The following FOXD4 variants were observed in gnomAD, a reference collection of about 807,000 sequenced individuals.
FOXD4 encodes the protein forkhead box D4.
FOXD4 carries 22 observed loss-of-function variants against 26.5 expected under a neutral mutation model. The ratio of observed to expected loss-of-function variants is 0.83; its 90% CI spans 0.59 to 1.18. The LOEUF (loss-of-function observed/expected upper bound fraction) is 1.18, where lower values mean the gene tolerates loss of function less well. Ranked by LOEUF, FOXD4 falls within the 50% of genes most tolerant of loss-of-function variation. The pLI is 0.00. For missense variants in FOXD4, 625 were observed against 605.8 expected, an observed-to-expected ratio of 1.03 and a Z score of -0.33; for synonymous variants, 258 against 273.7, an observed-to-expected ratio of 0.94 and a Z score of 0.57.
rs1819397558 is a variant in FOXD4 at position 117,535 on chromosome 9, C to A, written c.585G>T (p.Arg195=). Residue 195 remains arginine, a synonymous_variant, in exon 1 of 1, where the codon CGG becomes CGT. Coordinates refer to ENST00000382500, the MANE Select transcript of FOXD4 (RefSeq NM_207305.5). ...QDMFDNGSFL[R]RRKRFQRHQP... ...GGTGGCGCTGGAAACGCTTCCTACGCCGGAGAAAGCTGCCATTGTCGAACA... is the reference window on the plus strand; with the variant it reads ...GGTGGCGCTGGAAACGCTTCCTACGACGGAGAAAGCTGCCATTGTCGAACA... 6.2e-7 allele frequency: 1 copy of A among 1,612,386 alleles called. No homozygotes were observed. Among genetic ancestry groups the A allele is most frequent in the African/African-American group, 1.3e-5 (1 of 74,852 alleles).
rs149996115 is a variant in FOXD4 at position 116,962 on chromosome 9, G to A, written c.1158C>T (p.Gly386=). ...GCAPTKGAVL[G]GHLSAASALL... ...GCGCCGACGCGGCCGACAGGTGCCCGCCCAGCACCGCGCCCTTGGTGGGAG... is the reference window on the plus strand; with the variant it reads ...GCGCCGACGCGGCCGACAGGTGCCCACCCAGCACCGCGCCCTTGGTGGGAG... The change falls in exon 1 of 1, where the codon GGC becomes GGT. Residue 386 remains glycine, a synonymous_variant. Coordinates refer to ENST00000382500, the MANE Select transcript of FOXD4 (RefSeq NM_207305.5). The A allele has an allele frequency of 1.2e-6, 2 of 1,611,862 alleles. No individual in the cohort carries two copies. The highest frequency in any genetic ancestry group is 1.7e-6 in the Non-Finnish European group (2 of 1,179,770).
At position 116,332 on chromosome 9, in the gene FOXD4, A is replaced by C. The variant is rs1054042449; in HGVS notation, c.*468T>G. ...TGGCACGTCAGACACACAGATAAGA[A>C]ATCAATGTTCTGAAATTAATATCCT... On this transcript the variant is annotated 3_prime_UTR_variant, in exon 1 of 1. Coordinates refer to ENST00000382500, the MANE Select transcript of FOXD4 (RefSeq NM_207305.5). 1.5e-5 allele frequency: 3 copies of C among 194,088 alleles called. No homozygotes were observed. In the Admixed American group the frequency reaches 1.6e-4, roughly 10 times the overall value. 12.0% of individuals were successfully genotyped at this position (194,088 alleles called of 1,614,324 possible). A position where few individuals can be genotyped will look rare whatever the true frequency, so the allele number is the denominator to read the frequency against.
At position 117,797 on chromosome 9, in the gene FOXD4, G is replaced by C. The variant is rs139747262; in HGVS notation, c.323C>G (p.Ser108Trp). 2 of 1,613,210 alleles carry C rather than the reference G, an allele frequency of 1.2e-6. No individual in the cohort carries two copies. Among genetic ancestry groups the C allele is most frequent in the Non-Finnish European group, 8.5e-7 (1 of 1,179,992 alleles). ...DARQPAKPPS[S>W]YIALITMAIL... ...GGCCATGGTGATGAGCGCGATGTAC[G>C]AGGAGGGGGGCTTTGCCGGCTGCCG... is the stretch of plus-strand genomic sequence containing the variant. Residue 108 changes from serine to tryptophan, a missense_variant, in exon 1 of 1, where the codon TCG becomes TGG. Physicochemically the swap from Ser to Trp is radical, Grantham distance 177. Around this residue, in one of 3 missense-constraint regions of FOXD4, gnomAD observed 399 missense variants for 329.4 expected, o/e 1.21. Coordinates refer to ENST00000382500, the MANE Select transcript of FOXD4 (RefSeq NM_207305.5).
rs1385231411 is a variant in FOXD4, at chr9:117,403, C to G, written c.717G>C (p.Pro239=). ...PGPLLGAPAP[P]QPVPGAYPNT... is the part of the protein sequence containing the mutation. ...TGGGGTAGGCCCCCGGGACTGGCTG[C>G]GGCGGGGCAGGGGCCCCAAGCAGAG... The change falls in exon 1 of 1, where the codon CCG becomes CCC. Residue 239 remains proline (P), a synonymous_variant. Coordinates refer to ENST00000382500, the MANE Select transcript of FOXD4 (RefSeq NM_207305.5). The G allele has an allele frequency of 1.9e-6, 3 of 1,590,736 alleles. No individual in the cohort carries two copies. Among genetic ancestry groups the G allele is most frequent in the Middle Eastern group, 2.3e-4 (1 of 4,410 alleles).
chr9:117,856 T>G lies in FOXD4; in HGVS notation c.264A>C (p.Ala88=), dbSNP rs577622905. Residue 88 remains alanine, a synonymous_variant, in exon 1 of 1, where the codon GCA becomes GCC. Transcript: ENST00000382500. ...CAGAGGCCGCCGCAGACCTTGGCGG[T>G]GCCCTGAACTCGGTGCCAAACTCTG... ...DPSEFGTEFR[A]PPRSAAASED... The G allele has an allele frequency of 6.6e-5, 106 of 1,611,890 alleles. No homozygotes were observed. The Middle Eastern group carries it at 1.7e-3, about 27-fold the overall frequency.
chr9:117,810 T>A, the FOXD4 span: 2 of 1,612,894 alleles, frequency 1.2e-6, no homozygotes, highest in Middle Eastern at 2.0e-4. Flanking sequence ...GAGGGGGGCT[T>A]TGCCGGCTGC....
Position 117,962 on chromosome 9 carries a change from G to T in FOXD4, c.158C>A (p.Pro53Gln). ...SQQFLEQSLQ[P>Q]GLQVARWGGV... ...GCCCCACCGGGCCACCTGCAGCCCCGGCTGGAGCGACTGCTCTAGGAACTG... is the reference window on the plus strand; with the variant it reads ...GCCCCACCGGGCCACCTGCAGCCCCTGCTGGAGCGACTGCTCTAGGAACTG... Residue 53 changes from proline to glutamine, a missense_variant, in exon 1 of 1, where the codon CCG (proline) becomes CAG (glutamine). Coordinates refer to ENST00000382500, the MANE Select transcript of FOXD4 (RefSeq NM_207305.5). The T allele has an allele frequency of 6.2e-7, 1 of 1,611,946 alleles. No individual in the cohort carries two copies. The highest frequency in any genetic ancestry group is 1.3e-5 in the African/African-American group (1 of 74,966).
At position 118,026 on chromosome 9, in the gene FOXD4, C is replaced by G. The variant is rs1819420850; in HGVS notation, c.94G>C (p.Glu32Gln). The G allele has an allele frequency of 3.7e-6, 6 of 1,612,028 alleles. No individual in the cohort carries two copies. The highest frequency in any genetic ancestry group is 5.1e-6 in the Non-Finnish European group (6 of 1,179,856). The change falls in exon 1 of 1, where the codon GAG (glutamate) becomes CAG (glutamine). Residue 32 changes from glutamate to glutamine, a missense_variant. Around this residue, in one of 3 missense-constraint regions of FOXD4, gnomAD observed 399 missense variants for 329.4 expected, o/e 1.21. Coordinates refer to ENST00000382500, the MANE Select transcript of FOXD4 (RefSeq NM_207305.5). Reference protein sequence around the residue: ...GEDGKIDVLGEEEDEDEEEAA... With the variant: ...GEDGKIDVLGQEEDEDEEEAA... ...TCCTCCTCGTCTTCATCTTCCTCCT[C>G]TCCCAGGACATCGATTTTACCGTCT...
At position 117,944 on chromosome 9, in the gene FOXD4, C is replaced by T. The variant is rs547293490; in HGVS notation, c.176G>A (p.Arg59Gln). ...QSLQPGLQVA[R>Q]WGGVALPREH... ...TCGGGGAAGCGCAACCCCGCCCCAC[C>T]GGGCCACCTGCAGCCCCGGCTGGAG... The change falls in exon 1 of 1, where the codon CGG (arginine) becomes CAG (glutamine). Residue 59 changes from arginine to glutamine, a missense_variant. This residue lies in a region of FOXD4 where 399 missense variants were observed against 329.4 expected (regional missense o/e 1.21). Coordinates refer to ENST00000382500, the MANE Select transcript of FOXD4 (RefSeq NM_207305.5). The T allele has an allele frequency of 1.0e-4, 162 of 1,611,944 alleles. 1 individual carries two copies. In the East Asian group the frequency reaches 3.5e-3, roughly 35 times the overall value.
rs770619651 is a variant in FOXD4 at position 116,763 on chromosome 9, T to C, written c.*37A>G. 1.7e-5 allele frequency: 27 copies of C among 1,556,606 alleles called. No individual in the cohort carries two copies. Among genetic ancestry groups the C allele is most frequent in the Non-Finnish European group, 2.3e-5 (26 of 1,153,084 alleles). Reference sequence around the variant, plus strand: ...CCAGTATGGGCCGCGCAAGGTGGAGTGAGCAGCTGCGGGTCGCTCCCCACT... The same window carrying C: ...CCAGTATGGGCCGCGCAAGGTGGAGCGAGCAGCTGCGGGTCGCTCCCCACT... On this transcript the variant is annotated 3_prime_UTR_variant, in exon 1 of 1. Coordinates refer to ENST00000382500, the MANE Select transcript of FOXD4 (RefSeq NM_207305.5).
In FOXD4 at chr9:117,295, G is replaced by A. The variant is rs756525401; in HGVS notation, c.825C>T (p.Ala275=). ...CGCCTTCTGCTTTCTTCGGTGCCCCGGCATAGGCGGGGGCCGAGAGCAGTA... is the reference window on the plus strand; with the variant it reads ...CGCCTTCTGCTTTCTTCGGTGCCCCAGCATAGGCGGGGGCCGAGAGCAGTA... The part of the protein sequence containing the change: ...RYLLLSAPAY[A]GAPKKAEGAD... The change falls in exon 1 of 1, where the codon GCC becomes GCT. Residue 275 remains alanine (A), a synonymous_variant. Coordinates refer to ENST00000382500, the MANE Select transcript of FOXD4 (RefSeq NM_207305.5). The A allele has an allele frequency of 1.7e-5, 27 of 1,603,438 alleles. No individual in the cohort carries two copies. Among genetic ancestry groups the A allele is most frequent in the African/African-American group, 1.6e-4 (12 of 74,932 alleles).
Position 116,827 on chromosome 9 carries a change from G to A in FOXD4, c.1293C>T (p.Ser431=). 6.2e-7 allele frequency: 1 copy of A among 1,604,256 alleles called. No individual in the cohort carries two copies. Among genetic ancestry groups the A allele is most frequent in the Non-Finnish European group, 8.5e-7 (1 of 1,175,560 alleles). ...PVFLVSPTPS[S]LAESAGPS ...AGGAGGGCCCTGCGGACTCGGCCAG[G>A]GAACTGGGCGTGGGCGATACTAAAA... The change falls in exon 1 of 1, where the codon TCC becomes TCT. Residue 431 remains serine (S), a synonymous_variant. Transcript: ENST00000382500.
At position 117,511 on chromosome 9, in the gene FOXD4, G is replaced by A; in HGVS notation, c.609C>T (p.His203=). ...FLRRRKRFQR[H]QPTPGAHLPH... ...GCAGGTGGGCTCCCGGGGTCGGTTG[G>A]TGGCGCTGGAAACGCTTCCTACGCC... is the stretch of plus-strand genomic sequence containing the variant. The change falls in exon 1 of 1, where the codon CAC becomes CAT. Residue 203 remains histidine, a synonymous_variant. Transcript: ENST00000382500. 1 of 1,611,758 alleles carries A rather than the reference G, an allele frequency of 6.2e-7. No individual in the cohort carries two copies. The highest frequency in any genetic ancestry group is 8.5e-7 in the Non-Finnish European group (1 of 1,179,962).
rs1368025670 is a variant in FOXD4, at chr9:116,790, C to A, written c.*10G>T. ...AGCAGCTGCGGGTCGCTCCCCACTC[C>A]CACCTGGCTCTAGGAGGGCCCTGCG... On this transcript the variant is annotated 3_prime_UTR_variant, in exon 1 of 1. Coordinates refer to ENST00000382500, the MANE Select transcript of FOXD4 (RefSeq NM_207305.5). 2.5e-6 allele frequency: 4 copies of A among 1,584,520 alleles called. No homozygotes were observed. The highest frequency in any genetic ancestry group is 2.3e-5 in the South Asian group (2 of 87,024).
At position 117,720 on chromosome 9, in the gene FOXD4, T is replaced by C; in HGVS notation, c.400A>G (p.Ile134Val). ...CGGTAGTAGGGGAAGCGGTCACTAATGAAGGCGCAGATGCCGCTGAGCGTG... is the reference window on the plus strand; with the variant it reads ...CGGTAGTAGGGGAAGCGGTCACTAACGAAGGCGCAGATGCCGCTGAGCGTG... Reference protein sequence around the residue: ...RLTLSGICAFISDRFPYYRRK... With the variant: ...RLTLSGICAFVSDRFPYYRRK... The change falls in exon 1 of 1, where the codon ATT becomes GTT. Residue 134 changes from isoleucine to valine, a missense_variant. Ile to Val is a conservative substitution (Grantham distance 29). This residue lies in a region of FOXD4 where 399 missense variants were observed against 329.4 expected (regional missense o/e 1.21). Coordinates refer to ENST00000382500, the MANE Select transcript of FOXD4 (RefSeq NM_207305.5). 3 of 1,612,916 alleles carry C rather than the reference T, an allele frequency of 1.9e-6. No homozygotes were observed. The South Asian group carries it at 3.3e-5, about 18-fold the overall frequency.
Position 117,134 on chromosome 9 carries a change from C to G in FOXD4, c.986G>C (p.Gly329Ala), listed in dbSNP as rs774987766. 6.2e-7 allele frequency: 1 copy of G among 1,611,900 alleles called. No homozygotes were observed. Among genetic ancestry groups the G allele is most frequent in the South Asian group, 1.1e-5 (1 of 90,982 alleles). The change falls in exon 1 of 1, where the codon GGG becomes GCG. Residue 329 changes from glycine to alanine, a missense_variant. Coordinates refer to ENST00000382500, the MANE Select transcript of FOXD4 (RefSeq NM_207305.5). Reference protein sequence around the residue: ...SLSALRVSCKGSGERVQGLRR... With the variant: ...SLSALRVSCKASGERVQGLRR... ...CAGCCCCTGTACCCGCTCCCCTGAC[C>G]CCTTGCATGATACTCTCAATGCTGA...
chr9:117,525 G>C lies in FOXD4; in HGVS notation c.595C>G (p.Arg199Gly), dbSNP rs754274326. The change falls in exon 1 of 1, where the codon CGT (arginine) becomes GGT (glycine). Residue 199 changes from arginine (R) to glycine (G), a missense_variant. Arg to Gly is a moderately radical substitution (Grantham distance 125). This residue lies in a region of FOXD4 where 399 missense variants were observed against 329.4 expected (regional missense o/e 1.21). Transcript: ENST00000382500. ...DNGSFLRRRK[R>G]FQRHQPTPGA... is the part of the protein sequence containing the mutation. ...GGGGTCGGTTGGTGGCGCTGGAAACGCTTCCTACGCCGGAGAAAGCTGCCA... is the reference window on the plus strand; with the variant it reads ...GGGGTCGGTTGGTGGCGCTGGAAACCCTTCCTACGCCGGAGAAAGCTGCCA... 6.2e-7 allele frequency: 1 copy of C among 1,612,220 alleles called. No individual in the cohort carries two copies. The highest frequency in any genetic ancestry group is 1.1e-5 in the South Asian group (1 of 90,998).
Position 116,975 on chromosome 9 carries a change from C to T in FOXD4, c.1145G>A (p.Gly382Asp), listed in dbSNP as rs1396387253. ...CGACAGGTGCCCGCCCAGCACCGCG[C>T]CCTTGGTGGGAGCGCAGCCGTTGGC... ...DCANGCAPTKGAVLGGHLSAA... is the reference protein window; with the variant it reads ...DCANGCAPTKDAVLGGHLSAA... Residue 382 changes from glycine to aspartate, a missense_variant, in exon 1 of 1, where the codon GGC (glycine) becomes GAC (aspartate). Transcript: ENST00000382500. 2 of 1,611,852 alleles carry T rather than the reference C, an allele frequency of 1.2e-6. No homozygotes were observed. Among genetic ancestry groups the T allele is most frequent in the Non-Finnish European group, 1.7e-6 (2 of 1,179,814 alleles).
In FOXD4 at chr9:118,120, G is replaced by A. The variant is rs1468143942; in HGVS notation, c.-1C>T. ...GGCGCTCAGCTCTTGGCAAGTTCAT[G>A]GCGGAGCAGGTGCTTCAGTCGCAGG... is the stretch of plus-strand genomic sequence containing the variant. On this transcript the variant is annotated 5_prime_UTR_variant, in exon 1 of 1. Transcript: ENST00000382500. 5.0e-6 allele frequency: 8 copies of A among 1,611,886 alleles called. No homozygotes were observed. The highest frequency in any genetic ancestry group is 6.8e-6 in the Non-Finnish European group (8 of 1,179,854).
Sources: allele counts gnomAD v4.1 joint callset, GRCh38; gene constraint gnomAD v4.1.1; regional missense constraint gnomAD v4.1.1; transcripts MANE v1.5; gene names NCBI Gene and HGNC (gene_info 2026-07-23, HGNC 2026-07-21).